Variants in HECW1 observed in about 807,000 individuals in gnomAD.
The protein encoded by HECW1 is E3 ubiquitin-protein ligase HECW1.
Under a neutral mutation model 182.3 loss-of-function variants are expected in HECW1, and 61 were observed. The observed-to-expected ratio is 0.33, with a 90% CI of 0.27 to 0.41. HECW1 has a LOEUF of 0.41. Among genes scored for constraint, HECW1 ranks in the 10% least tolerant of loss-of-function variants. The probability of loss-of-function intolerance (pLI) is 1.00; values close to 1 mark genes in which losing one functional copy is unlikely to be tolerated. For missense variants in HECW1, 1,739 were observed against 2,108.9 expected, an observed-to-expected ratio of 0.82 and a Z score of 3.44; for synonymous variants, 859 against 832.6, an observed-to-expected ratio of 1.03 and a Z score of -0.55.
chr7:43,190,721 A>G (rs1793835162), intron 2 of HECW1, among the ~76,000 whole-genome samples: 1 of 152,210 alleles, frequency 6.6e-6, no homozygotes, highest in Non-Finnish European at 1.5e-5. Context: ...CAAAAAACCC[A>G]TCTGCACACA....
intron 2 of HECW1, among the ~76,000 whole-genome samples, chr7:43,206,173 C>G (rs1795457811): frequency 6.6e-6 from 1 of 152,142 alleles, no homozygotes; most frequent in South Asian, 2.1e-4. Flanking sequence ...TTTAGATGAG[C>G]TCCTACCATG....
At chr7:43,473,123 G>C (rs1008083731) in intron 16 of HECW1, among the ~76,000 whole-genome samples, 9 of 152,188 alleles carry the variant, frequency 5.9e-5, no homozygotes, top group African/African-American at 2.2e-4. Flanking sequence ...CTCTAGAGCT[G>C]GTTGTTAAAA....
intron 11 of HECW1, among the ~76,000 whole-genome samples, chr7:43,445,951 A>C (rs555038153): frequency 2.6e-4 from 39 of 152,384 alleles, no homozygotes; most frequent in Non-Finnish European, 4.9e-4. Flanking sequence ...ATCTATCTAC[A>C]TTAAATGGAT....
chr7:43,121,248 G>A (rs1640264144), intron 2 of HECW1, among the ~76,000 whole-genome samples: 1 of 152,144 alleles, frequency 6.6e-6, no homozygotes, highest in Non-Finnish European at 1.5e-5. Context: ...GAATCACTTA[G>A]TTGTTGTTAT....
chr7:43,284,574 G>A (rs1804374554), intron 3 of HECW1, among the ~76,000 whole-genome samples: 1 of 150,172 alleles, frequency 6.7e-6, no homozygotes, highest in East Asian at 2.0e-4. Flanking sequence ...CTATTCCCTT[G>A]TCAATTTTCA....
At position 43,493,192 on chromosome 7, in the gene HECW1, C is replaced by G. The variant is rs370231171; in HGVS notation, c.3437+12C>G. Reference sequence around the variant, plus strand: ...AACCACACACTCAGGTAAGCCTCGCCCCTCACTCCCTGGAACTCTAGGTCT... The same window carrying G: ...AACCACACACTCAGGTAAGCCTCGCGCCTCACTCCCTGGAACTCTAGGTCT... On this transcript the variant is annotated intron_variant, in intron 19 of 29. Transcript: ENST00000395891. The G allele has an allele frequency of 1.3e-6, 2 of 1,571,758 alleles. No homozygotes were observed. Among genetic ancestry groups the G allele is most frequent in the Non-Finnish European group, 1.8e-6 (2 of 1,142,468 alleles).
intron 2 of HECW1, among the ~76,000 whole-genome samples, chr7:43,185,155 G>T (rs776798077): frequency 1.3e-5 from 2 of 152,028 alleles, no homozygotes; most frequent in African/African-American, 2.4e-5. Context: ...AGGGATGGTG[G>T]GGGGGAAGGG....
intron 13 of HECW1, among the ~76,000 whole-genome samples, chr7:43,459,624 G>A (rs1388155863): frequency 1.3e-5 from 2 of 151,574 alleles, no homozygotes; most frequent in Non-Finnish European, 2.9e-5. Flanking sequence ...TGCAACCTCC[G>A]CCTCCCGGGT....
chr7:43,393,974 G>A (rs1009905713), intron 6 of HECW1, among the ~76,000 whole-genome samples: 1 of 151,962 alleles, frequency 6.6e-6, no homozygotes. Flanking sequence ...AGTTTCTATT[G>A]TTCCCCCAAA....
intron 8 of HECW1, among the ~76,000 whole-genome samples, chr7:43,425,653 C>T (rs2076341297): frequency 6.6e-6 from 1 of 152,246 alleles, no homozygotes; most frequent in Non-Finnish European, 1.5e-5. Context: ...AGTAGCATGG[C>T]ACTGGCATCT....
intron 5 of HECW1, among the ~76,000 whole-genome samples, chr7:43,322,452 A>G (rs1810249295): frequency 6.6e-6 from 1 of 152,114 alleles, no homozygotes; most frequent in South Asian, 2.1e-4. Context: ...TTTTGCTACC[A>G]TCTGCCCCAA....
chr7:43,121,808 C>T (rs573646123), intron 2 of HECW1: 2 of 152,274 alleles, frequency 1.3e-5, no homozygotes, highest in East Asian at 3.9e-4. Context: ...TTCAGCCTCC[C>T]TACTAAATGC....
At chr7:43,145,134 A>G (rs1388090681) in intron 2 of HECW1, among the ~76,000 whole-genome samples, 1 of 152,176 alleles carries the variant, frequency 6.6e-6, no homozygotes, top group Non-Finnish European at 1.5e-5. Flanking sequence ...ATCATTTTAT[A>G]CTTTTTAAGG....
intron 16 of HECW1, among the ~76,000 whole-genome samples, chr7:43,477,991 T>C (rs2078282153): frequency 1.3e-5 from 2 of 152,008 alleles, no homozygotes; most frequent in South Asian, 4.1e-4. Flanking sequence ...AGTTGTCTTA[T>C]GGTACAAAGG....
At position 43,466,621 on chromosome 7, in the gene HECW1, A is replaced by G. The variant is rs190053467; in HGVS notation, c.2913+53A>G. The G allele has an allele frequency of 1.7e-4, 265 of 1,582,044 alleles. No individual in the cohort carries two copies. In the East Asian group the frequency reaches 4.2e-3, roughly 25 times the overall value. On this transcript the variant is annotated intron_variant, in intron 15 of 29. Coordinates refer to ENST00000395891, the MANE Select transcript of HECW1 (RefSeq NM_015052.5). The stretch of plus-strand genomic sequence containing the variant: ...GGCCTGGCTCGGCAAGACCCAAAAC[A>G]CAGCTTTGTAAAGTCATCTGATAGA...
intron 3 of HECW1, among the ~76,000 whole-genome samples, chr7:43,291,266 G>A (rs998323705): frequency 2.6e-5 from 4 of 152,204 alleles, no homozygotes; most frequent in South Asian, 4.1e-4. Flanking sequence ...TATCCTTTAC[G>A]CATTTGGATC....
At chr7:43,469,972 C>T (rs1294914553) in intron 16 of HECW1, among the ~76,000 whole-genome samples, 1 of 152,192 alleles carries the variant, frequency 6.6e-6, no homozygotes, top group African/African-American at 2.4e-5. Context: ...CTCCTATAAA[C>T]CCCTTAGTAT....
chr7:43,504,972 G>A (rs540471315), intron 21 of HECW1, among the ~76,000 whole-genome samples: 1 of 152,146 alleles, frequency 6.6e-6, no homozygotes, highest in African/African-American at 2.4e-5. Flanking sequence ...CCTAATCTCC[G>A]GCAGCGTGTA....
chr7:43,406,163 C>T (rs2075602957), intron 7 of HECW1, among the ~76,000 whole-genome samples: 1 of 152,198 alleles, frequency 6.6e-6, no homozygotes, highest in Admixed American at 6.5e-5. Context: ...ATACCCCTTC[C>T]CTATGGTACA....
Sources: gnomAD v4.1 joint callset for allele counts (sites outside exome capture counted in the v4.1 genomes callset) on GRCh38, gnomAD v4.1.1 for gene constraint, MANE v1.5 for transcripts, NCBI Gene and HGNC (gene_info 2026-07-23, HGNC 2026-07-21) for gene names.